METTL15: variants seen among roughly 807,000 people sequenced by gnomAD.
METTL15 encodes the protein methyltransferase 15, mitochondrial 12S rRNA N4-cytidine.
A neutral mutation model predicts 38.3 loss-of-function variants in METTL15; 34 were observed. The observed-to-expected ratio is 0.89, with a 90% CI of 0.68 to 1.18. METTL15 has a LOEUF of 1.18. Among genes scored for constraint, METTL15 ranks in the 50% most tolerant of loss-of-function variants. METTL15 has a pLI of 0.00. For synonymous variants in METTL15, 162 were observed against 170.9 expected (o/e 0.95, Z 0.41); for missense variants, 438 against 498.4 (o/e 0.88, Z 1.15).
At chr11:28,124,893 C>T (rs768106187) in intron 3 of METTL15, among the ~76,000 whole-genome samples, 5 of 152,066 alleles carry the variant, frequency 3.3e-5, no homozygotes, top group East Asian at 1.9e-4. Flanking sequence ...AGAATATCAT[C>T]GCCAAGACAG....
intron 5 of METTL15, among the ~76,000 whole-genome samples, chr11:28,405,773 T>C (rs1202575567): frequency 6.6e-6 from 1 of 152,182 alleles, no homozygotes; most frequent in Admixed American, 6.6e-5. Flanking sequence ...GTCTTTAGTC[T>C]AAGCTCCCAT....
At chr11:28,391,046 A>G (rs1316182446) in intron 5 of METTL15, among the ~76,000 whole-genome samples, 1 of 152,138 alleles carries the variant, frequency 6.6e-6, no homozygotes, top group East Asian at 1.9e-4. Context: ...TTATTGGTGT[A>G]TAAGAATGCT....
At chr11:28,443,373 G>A (rs1380631912) in intron 6 of METTL15, among the ~76,000 whole-genome samples, 1 of 152,108 alleles carries the variant, frequency 6.6e-6, no homozygotes, top group East Asian at 1.9e-4. Context: ...TAATTGAACA[G>A]GGTCAGCAGT....
chr11:28,286,048 A>G (rs1169412447), intron 4 of METTL15, among the ~76,000 whole-genome samples: 2 of 152,126 alleles, frequency 1.3e-5, no homozygotes, highest in Non-Finnish European at 2.9e-5. Context: ...AGATAAATAT[A>G]TATATATGAT....
At chr11:28,312,053 G>A (rs1287357862) in intron 6 of METTL15, among the ~76,000 whole-genome samples, 1 of 152,160 alleles carries the variant, frequency 6.6e-6, no homozygotes, top group Non-Finnish European at 1.5e-5. Flanking sequence ...ATTCCCAGCT[G>A]CTACTTTATC....
At chr11:28,441,559 C>T (rs934495299) in intron 6 of METTL15, among the ~76,000 whole-genome samples, 10 of 152,028 alleles carry the variant, frequency 6.6e-5, no homozygotes, top group African/African-American at 2.4e-4. Flanking sequence ...TTTTCTTCAC[C>T]ACTGTATTCT....
At chr11:28,145,907 A>G (rs534590788) in intron 3 of METTL15, among the ~76,000 whole-genome samples, 4 of 152,110 alleles carry the variant, frequency 2.6e-5, no homozygotes, top group Admixed American at 2.0e-4. Flanking sequence ...GGGTAGATGT[A>G]TGATGATTTT....
In METTL15 at chr11:28,399,961, C is replaced by T. The variant is rs367544833; in HGVS notation, c.*359-24338C>T. 6.1e-4 allele frequency among the ~76,000 whole-genome samples: 93 copies of T among 151,984 alleles called. 4 individuals are homozygous for T. The South Asian group carries it at 0.019, about 31-fold the overall frequency. On this transcript the variant is annotated intron_variant and NMD_transcript_variant, in intron 5 of 7. Coordinates refer to the METTL15 transcript ENST00000532947. The stretch of plus-strand genomic sequence containing the variant: ...ATAAATAAATGTTTATATACCACAA[C>T]GTAGCATGTAATATTTGTATGAACT...
At chr11:28,296,166 AC>A (rs1856726584) in intron 5 of METTL15, among the ~76,000 whole-genome samples, 2 of 152,166 alleles carry the variant, frequency 1.3e-5, no homozygotes, top group East Asian at 3.9e-4. Context: ...CAGAAGAATG[AC>A]CAAATATTGT....
intron 6 of METTL15, among the ~76,000 whole-genome samples, chr11:28,435,735 A>G (rs1850976817): frequency 6.6e-6 from 1 of 152,200 alleles, no homozygotes; most frequent in African/African-American, 2.4e-5. Flanking sequence ...ATTCTACTTC[A>G]TGATATAAAA....
intron 4 of METTL15, among the ~76,000 whole-genome samples, chr11:28,219,601 A>T (rs1264172011): frequency 6.6e-6 from 1 of 152,014 alleles, no homozygotes; most frequent in Non-Finnish European, 1.5e-5. Flanking sequence ...GCCTTCTGCT[A>T]GCTTTTGAAT....
At chr11:28,221,035 T>A (rs188373146) in intron 4 of METTL15, among the ~76,000 whole-genome samples, 8 of 152,276 alleles carry the variant, frequency 5.3e-5, no homozygotes, top group African/African-American at 1.7e-4. Context: ...GACAGTTATG[T>A]GTCTTGGAGT....
At chr11:28,168,243 T>C (rs1404815922) in intron 3 of METTL15, among the ~76,000 whole-genome samples, 1 of 151,872 alleles carries the variant, frequency 6.6e-6, no homozygotes, top group Admixed American at 6.6e-5. Flanking sequence ...CTCATCCTCA[T>C]CCTTGAGGAA....
At chr11:28,155,791 G>A (rs1850243162) in intron 3 of METTL15, among the ~76,000 whole-genome samples, 1 of 152,262 alleles carries the variant, frequency 6.6e-6, no homozygotes, top group African/African-American at 2.4e-5. Context: ...TATGTATTTG[G>A]TAATGATCTT....
chr11:28,238,978 G>C (rs141359096), intron 4 of METTL15, among the ~76,000 whole-genome samples: 103 of 151,270 alleles, frequency 6.8e-4, no homozygotes, highest in African/African-American at 2.3e-3. Flanking sequence ...TTTCCTATCT[G>C]TACTGTTCCT....
In METTL15 at chr11:28,522,137, A is replaced by T. The variant is rs184465349; in HGVS notation, c.*425-4341A>T. On this transcript the variant is annotated intron_variant and NMD_transcript_variant, in intron 6 of 7. Transcript: ENST00000532947. ...TAATATGAACAGGAGAATCTGGGGG[A>T]TGTTAGGCTCTGGAGCCAGCCCTCC... Among the ~76,000 whole-genome samples the T allele has an allele frequency of 2.4e-3, 370 of 152,302 alleles. 2 individuals are homozygous for T. Among genetic ancestry groups the T allele is most frequent in the Non-Finnish European group, 4.7e-3 (318 of 68,026 alleles).
downstream of METTL15, among the ~76,000 whole-genome samples, chr11:28,335,266 G>C (rs184535907): frequency 2.7e-3 from 418 of 152,288 alleles, no homozygotes; most frequent in East Asian, 0.012. Context: ...CTAAGTTGAG[G>C]AGAAGACCGT....
chr11:28,112,853 G>T (rs186195108), intron 2 of METTL15, among the ~76,000 whole-genome samples: 2 of 152,046 alleles, frequency 1.3e-5, no homozygotes, highest in Non-Finnish European at 2.9e-5. Flanking sequence ...AGCATTGTGA[G>T]AAAAACAAAT....
intron 6 of METTL15, among the ~76,000 whole-genome samples, chr11:28,428,461 A>G (rs1463256246): frequency 6.6e-6 from 1 of 152,220 alleles, no homozygotes; most frequent in Non-Finnish European, 1.5e-5. Context: ...AAGCACTTAG[A>G]CTAGTGTCTA....
Sources: gnomAD v4.1 joint callset for allele counts (sites outside exome capture counted in the v4.1 genomes callset) on GRCh38, gnomAD v4.1.1 for gene constraint, MANE v1.5 for transcripts, NCBI Gene and HGNC (gene_info 2026-07-23, HGNC 2026-07-21) for gene names.